FOCAD: variants seen among roughly 807,000 people sequenced by gnomAD.
FOCAD encodes KIAA1797.
FOCAD carries 198 observed loss-of-function variants against 225.6 expected under a neutral mutation model. The ratio of observed to expected loss-of-function variants is 0.88; its 90% CI spans 0.78 to 0.99. The LOEUF is 0.99. FOCAD is among the 50% of genes least tolerant of loss of function. The pLI, the probability that FOCAD is intolerant of heterozygous loss-of-function variation, is 0.00. For missense variants in FOCAD, 2,713 were observed against 2,123.6 expected (o/e 1.28, Z -5.46); for synonymous variants, 897 against 755.0 (o/e 1.19, Z -3.08).
At chr9:20,983,470 G>A (rs144393156) in intron 39 of FOCAD, among the ~76,000 whole-genome samples, 2,456 of 151,566 alleles carry the variant, frequency 0.016, 24 homozygotes, top group South Asian at 0.033. Context: ...TACTCGGGAG[G>A]CTGAGGCAGG....
intron 2 of FOCAD, among the ~76,000 whole-genome samples, chr9:20,663,430 A>G (rs1456731216): frequency 1.3e-5 from 2 of 151,664 alleles, no homozygotes; most frequent in Admixed American, 1.3e-4. Context: ...AAATATTTCT[A>G]TCAGCGGTCC....
chr9:20,901,192 A>AGTGTGTG (rs1832528693), intron 21 of FOCAD, among the ~76,000 whole-genome samples: 46 of 105,756 alleles, frequency 4.3e-4, no homozygotes, highest in South Asian at 1.2e-3. Flanking sequence ...TGTGGAAACA[A>AGTGTGTG]TGTGTGTGTG....
At chr9:20,796,983 A>G (rs202145353) in intron 11 of FOCAD, among the ~76,000 whole-genome samples, 2 of 152,088 alleles carry the variant, frequency 1.3e-5, no homozygotes, top group Admixed American at 1.3e-4. Context: ...ATCTAGAATT[A>G]ATTTTTGTAT....
At chr9:20,995,392 A>G (rs538164453) in intron 43 of FOCAD, among the ~76,000 whole-genome samples, 164 bp from the exon 44 acceptor site, 7 of 151,282 alleles carry the variant, frequency 4.6e-5, no homozygotes, top group Admixed American at 2.6e-4. Context: ...TTTCCCCCCA[A>G]CATTTATAAA....
intron 1 of FOCAD, among the ~76,000 whole-genome samples, chr9:20,704,841 C>T (rs930068633): frequency 6.6e-6 from 1 of 152,086 alleles, no homozygotes; most frequent in Non-Finnish European, 1.5e-5. Flanking sequence ...TAATGTTAGT[C>T]AAGATTTTCC....
rs73647623 is a variant in FOCAD, at chr9:20,765,266, T to A, written c.699+193T>A. Among the ~76,000 whole-genome samples, 858 of 152,296 alleles carry A rather than the reference T, an allele frequency of 5.6e-3. 6 individuals are homozygous for A. The highest frequency in any genetic ancestry group is 0.02 in the African/African-American group (824 of 41,550). On this transcript the variant is annotated intron_variant, in intron 7 of 43. Coordinates refer to ENST00000338382, the MANE Select transcript of FOCAD (RefSeq NM_001375567.1). ...TTTAATATGAATATATTATATTCGATATTAACTAAATACACAGAAATTATA... is the reference window on the plus strand; with the variant it reads ...TTTAATATGAATATATTATATTCGAAATTAACTAAATACACAGAAATTATA...
At position 20,879,580 on chromosome 9, in the gene FOCAD, AG is replaced by A. The variant is rs1321986643; in HGVS notation, c.2318-2289del. 5.9e-5 allele frequency among the ~76,000 whole-genome samples: 9 copies of A among 152,206 alleles called. No individual in the cohort carries two copies. In the East Asian group the frequency reaches 1.7e-3, roughly 29 times the overall value. On this transcript the variant is annotated intron_variant, in intron 19 of 43. Coordinates refer to ENST00000338382, the MANE Select transcript of FOCAD (RefSeq NM_001375567.1). ...AGTTTGTTGATCCATTCAGCTGTTG[AG>A]GACATTTGGGTTGTTTTGAGAATTT...
At chr9:20,894,111 A>G (rs1383873680) in intron 21 of FOCAD, among the ~76,000 whole-genome samples, 1 of 152,020 alleles carries the variant, frequency 6.6e-6, no homozygotes. Context: ...CAGAATGTCA[A>G]GTAGTTGGAA....
intron 39 of FOCAD, 22 bp from the exon 40 acceptor site, chr9:20,986,266 A>ATTTTTTTTGTTTTTTTT: frequency 1.4e-6 from 1 of 705,686 alleles, no homozygotes; most frequent in Non-Finnish European, 1.8e-6. Flanking sequence ...TAACTAAACA[A>ATTTTTTTTGTTTTTTTT]TTTTTTTTTT....
Position 20,819,895 on chromosome 9 carries a change from C to A in FOCAD, c.1555C>A (p.His519Asn). The stretch of plus-strand genomic sequence containing the variant: ...GTATACTTTACCTAAGCTTGGTGTT[C>A]ACAAGGTTAGTATGTTAATTAATTT... Reference protein sequence around the residue: ...ILYTLPKLGVHKVCIGQILRI... With the variant: ...ILYTLPKLGVNKVCIGQILRI... The change falls in exon 12 of 44, where the codon CAC becomes AAC. Residue 519 changes from histidine (H) to asparagine (N), a missense_variant. His to Asn is a moderately conservative substitution (Grantham distance 68, BLOSUM62 1). Transcript: ENST00000338382. The A allele has an allele frequency of 6.7e-7, 1 of 1,502,356 alleles. No individual in the cohort carries two copies. Among genetic ancestry groups the A allele is most frequent in the Non-Finnish European group, 9.0e-7 (1 of 1,112,806 alleles). The allele number at this position is 1,502,356 out of a possible 1,614,324, so 93.1% of individuals were successfully genotyped here.
chr9:20,842,629 T>C, intron 15 of FOCAD, among the ~76,000 whole-genome samples: 1 of 152,000 alleles, frequency 6.6e-6, no homozygotes, highest in Non-Finnish European at 1.5e-5. Context: ...TTAAGTATGT[T>C]TCTTGTAGAC....
intron 11 of FOCAD, among the ~76,000 whole-genome samples, chr9:20,793,004 A>T (rs1422407016): frequency 6.6e-6 from 1 of 152,190 alleles, no homozygotes; most frequent in African/African-American, 2.4e-5. Flanking sequence ...AACTTGCACA[A>T]AGAGTCTTTG....
chr9:20,887,888 A>AT (rs1396653094), intron 21 of FOCAD, among the ~76,000 whole-genome samples: 1 of 152,086 alleles, frequency 6.6e-6, no homozygotes, highest in African/African-American at 2.4e-5. Context: ...ATTCTTGTAG[A>AT]TGAGTAGTAT....
In FOCAD at chr9:20,673,913, T is replaced by G. The variant is rs146209810; in HGVS notation, c.-78+15087T>G. Among the ~76,000 whole-genome samples the G allele has an allele frequency of 3.2e-3, 486 of 152,344 alleles. 1 individual carries two copies. Among genetic ancestry groups the G allele is most frequent in the Non-Finnish European group, 4.4e-3 (297 of 68,030 alleles). On this transcript the variant is annotated intron_variant, in intron 2 of 45. Coordinates refer to the FOCAD transcript ENST00000380249. ...CTTTAATTAGATTGTTTTTTAATTA[T>G]CAAGTTGTAAAAGTTTTTCTACATT...
chr9:20,716,339 A>C (rs562072320), intron 2 of FOCAD, among the ~76,000 whole-genome samples: 1 of 151,592 alleles, frequency 6.6e-6, no homozygotes, highest in East Asian at 1.9e-4. Flanking sequence ...AGGTGAAAAA[A>C]ATATATATAT....
At chr9:20,877,849 A>C (rs970851044) in intron 19 of FOCAD, among the ~76,000 whole-genome samples, 10 of 152,138 alleles carry the variant, frequency 6.6e-5, no homozygotes, top group African/African-American at 1.9e-4. Context: ...CAGAGGTTGC[A>C]GTAAGCCAAC....
chr9:20,865,017 A>T (rs1266304948), intron 16 of FOCAD, among the ~76,000 whole-genome samples: 1 of 152,118 alleles, frequency 6.6e-6, no homozygotes, highest in Non-Finnish European at 1.5e-5. Context: ...AGCTAAGTGA[A>T]AGCTGATGTC....
rs562234900 is a variant in FOCAD, at chr9:20,670,206, T to G, written c.-78+11380T>G. The stretch of plus-strand genomic sequence containing the variant: ...AGTATTTATTTGTTGAAGTAATGAA[T>G]GGGTAGATTAAATTTAGATACTGGT... On this transcript the variant is annotated intron_variant, in intron 2 of 45. Transcript: ENST00000380249. Among the ~76,000 whole-genome samples the G allele has an allele frequency of 6.4e-4, 97 of 152,322 alleles. 1 individual carries two copies. Among genetic ancestry groups the G allele is most frequent in the African/African-American group, 2.0e-3 (85 of 41,564 alleles).
rs938415809 is a variant in FOCAD, at chr9:20,907,220, G to A, written c.2696G>A (p.Arg899Gln). 8 of 1,612,944 alleles carry A rather than the reference G, an allele frequency of 5.0e-6. No individual in the cohort carries two copies. In the East Asian group the frequency reaches 1.6e-4, roughly 31 times the overall value. The change falls in exon 22 of 44, where the codon CGA becomes CAA. Residue 899 changes from arginine (R) to glutamine (Q), a missense_variant. Transcript: ENST00000338382. ...LPQAWLAYMN[R>Q]AYHAILQGRL... ...CAGGCCTGGCTTGCATACATGAATC[G>A]AGCTTATCATGCCATTTTACAGGTA...
Sources: gnomAD v4.1 joint callset for allele counts (sites outside exome capture counted in the v4.1 genomes callset) on GRCh38, gnomAD v4.1.1 for gene constraint, MANE v1.5 for transcripts, NCBI Gene and HGNC (gene_info 2026-07-23, HGNC 2026-07-21) for gene names.